The following MGA variants were observed in gnomAD, a reference collection of about 807,000 sequenced individuals.
The protein encoded by MGA is MAX gene-associated protein.
MGA carries 40 observed loss-of-function variants against 261.1 expected under a neutral mutation model. The observed-to-expected ratio is 0.15, with a 90% CI of 0.12 to 0.20. The LOEUF is 0.20. MGA is among the 10% of genes least tolerant of loss of function. MGA has a pLI of 1.00. For synonymous variants in MGA, 1,302 were observed against 1,290.6 expected (o/e 1.01, Z -0.19); for missense variants, 3,397 against 3,630.5 (o/e 0.94, Z 1.65).
intron 9 of MGA, among the ~76,000 whole-genome samples, chr15:41,721,885 T>C (rs1305311159): frequency 6.6e-6 from 1 of 152,152 alleles, no homozygotes; most frequent in East Asian, 1.9e-4. Context: ...TATAAGAATA[T>C]TTACATGATT....
chr15:41,765,166 A>T, intron 23 of MGA, 104 bp downstream of exon 23: 1 of 1,320,314 alleles, frequency 7.6e-7, no homozygotes, highest in Non-Finnish European at 1.1e-6. Context: ...ATAAAGAGCT[A>T]TTCTGTTGGC....
chr15:41,715,681 A>G (rs1039138462), intron 9 of MGA, among the ~76,000 whole-genome samples: 3 of 152,160 alleles, frequency 2.0e-5, no homozygotes, highest in African/African-American at 7.2e-5. Context: ...TATATTAATG[A>G]CTGGATCTCT....
chr15:41,733,301 G>A (rs2151757334), intron 11 of MGA, among the ~76,000 whole-genome samples: 1 of 152,128 alleles, frequency 6.6e-6, no homozygotes, highest in South Asian at 2.1e-4. Context: ...AAAAAAAATT[G>A]GAACTAAGGA....
intron 1 of MGA, among the ~76,000 whole-genome samples, chr15:41,638,683 T>C (rs1486432169): frequency 2.0e-5 from 3 of 148,536 alleles, no homozygotes; most frequent in Non-Finnish European, 4.4e-5. Context: ...CTTTCTTTTC[T>C]TTTTCTTTTT....
chr15:41,707,412 T>C (rs1431728250), intron 5 of MGA, among the ~76,000 whole-genome samples: 2 of 152,212 alleles, frequency 1.3e-5, no homozygotes, highest in Non-Finnish European at 2.9e-5. Flanking sequence ...ACTTGTGTTA[T>C]CACATGCACA....
chr15:41,742,459 G>T, intron 14 of MGA, 87 bp from the exon 15 acceptor site: 2 of 1,481,980 alleles, frequency 1.3e-6, no homozygotes, highest in Admixed American at 2.0e-5. Flanking sequence ...TGACCCAGTA[G>T]TGCACAGTAA....
At chr15:41,735,300 C>G (rs1439428841) in intron 12 of MGA, among the ~76,000 whole-genome samples, 1 of 152,128 alleles carries the variant, frequency 6.6e-6, no homozygotes, top group Non-Finnish European at 1.5e-5. Context: ...AAATACATGT[C>G]TAGTCAACAT....
chr15:41,689,888 A>AT (rs2059177031), intron 2 of MGA, among the ~76,000 whole-genome samples: 1 of 152,192 alleles, frequency 6.6e-6, no homozygotes, highest in Non-Finnish European at 1.5e-5. Flanking sequence ...TTTAATAGTT[A>AT]TTTTTTAAAA....
chr15:41,643,481 C>T (rs2056868803), intron 1 of MGA, among the ~76,000 whole-genome samples: 1 of 151,904 alleles, frequency 6.6e-6, no homozygotes. Context: ...ACCTTGTGAT[C>T]TGCCTGCCTC....
At chr15:41,682,779 C>G (rs1362520992) in intron 2 of MGA, among the ~76,000 whole-genome samples, 1 of 152,134 alleles carries the variant, frequency 6.6e-6, no homozygotes, top group African/African-American at 2.4e-5. Context: ...CTGCACCCGG[C>G]CTCATGTACG....
intron 9 of MGA, among the ~76,000 whole-genome samples, chr15:41,722,087 T>G (rs1381572513): frequency 6.6e-6 from 1 of 151,996 alleles, no homozygotes; most frequent in Non-Finnish European, 1.5e-5. Context: ...GAATGTATCT[T>G]TGATTCCATT....
At position 41,713,282 on chromosome 15, in the gene MGA, C is replaced by T. The variant is rs61736064; in HGVS notation, c.3216C>T (p.Arg1072=). The stretch of plus-strand genomic sequence containing the variant: ...AGAAGCGCCAACCTGCTCACTGCCG[C>T]CGACCAGACTGCATGTTTGGTTGTA... The change falls in exon 9 of 24, where the codon CGC becomes CGT. Residue 1072 remains arginine (R), a synonymous_variant. Coordinates refer to ENST00000219905, the MANE Select transcript of MGA (RefSeq NM_001164273.2). 2,292 of 1,613,934 alleles carry T rather than the reference C, an allele frequency of 1.4e-3. 11 individuals carry two copies. Among genetic ancestry groups the T allele is most frequent in the Middle Eastern group, 0.01 (63 of 6,062 alleles).
At chr15:41,645,247 A>C (rs2056913477) in intron 1 of MGA, among the ~76,000 whole-genome samples, 1 of 152,200 alleles carries the variant, frequency 6.6e-6, no homozygotes, top group African/African-American at 2.4e-5. Flanking sequence ...ATCAATTCAC[A>C]AGCATGTGTT....
intron 11 of MGA, among the ~76,000 whole-genome samples, chr15:41,731,159 G>A (rs2061489354): frequency 6.6e-6 from 1 of 152,072 alleles, no homozygotes; most frequent in Non-Finnish European, 1.5e-5. Context: ...ATTTAAAAAT[G>A]TAAATTATAT....
At chr15:41,640,582 C>T (rs924773978) in intron 1 of MGA, among the ~76,000 whole-genome samples, 3 of 151,786 alleles carry the variant, frequency 2.0e-5, no homozygotes, top group Admixed American at 6.6e-5. Flanking sequence ...TACAATGGTG[C>T]GATCTCGGCT....
intron 5 of MGA, among the ~76,000 whole-genome samples, chr15:41,705,550 TG>T (rs1386927813): frequency 6.6e-6 from 1 of 152,060 alleles, no homozygotes; most frequent in African/African-American, 2.4e-5. Context: ...TTTGTAGAAA[TG>T]GGGTCTTAAC....
intron 2 of MGA, among the ~76,000 whole-genome samples, chr15:41,690,396 A>G (rs559262706): frequency 6.6e-6 from 1 of 152,322 alleles, no homozygotes; most frequent in South Asian, 2.1e-4. Flanking sequence ...ACATTTGTAT[A>G]CAAGTCTTTG....
intron 2 of MGA, among the ~76,000 whole-genome samples, chr15:41,676,930 TTTCCCCCCCAA>T (rs1024338415): frequency 6.6e-6 from 1 of 152,192 alleles, no homozygotes; most frequent in African/African-American, 2.4e-5. Context: ...TCCCAGCTGC[TTTCCCCCCCAA>T]AATCCCATGC....
At position 41,749,279 on chromosome 15, in the gene MGA, C is replaced by T. The variant is rs762033391; in HGVS notation, c.5672C>T (p.Ala1891Val). The change falls in exon 17 of 24, where the codon GCT becomes GTT. Residue 1891 changes from alanine to valine, a missense_variant. Transcript: ENST00000219905. ...GCACCATCATTGCTTTCCTCTGGAG[C>T]TAGTTTTGTGTCTCAGGCTGGTACA... is the stretch of plus-strand genomic sequence containing the variant. 4.3e-6 allele frequency: 7 copies of T among 1,614,012 alleles called. No individual in the cohort carries two copies. The South Asian group carries it at 6.6e-5, about 15-fold the overall frequency.
Sources: allele counts gnomAD v4.1 joint callset (sites outside exome capture counted in the v4.1 genomes callset), GRCh38; gene constraint gnomAD v4.1.1; transcripts MANE v1.5; gene names NCBI Gene and HGNC (gene_info 2026-07-23, HGNC 2026-07-21).